Variants in USH2A observed in about 807,000 individuals in gnomAD.
USH2A encodes usherin.
A neutral mutation model predicts 538.9 loss-of-function variants in USH2A; 443 were observed. That is an observed-to-expected ratio of 0.82 (90% CI 0.76 to 0.89). The LOEUF (loss-of-function observed/expected upper bound fraction) is 0.89. USH2A is among the 40% of genes least tolerant of loss of function. The pLI is 0.00. For missense variants in USH2A, 6,633 were observed against 6,324.8 expected (o/e 1.05, Z -1.65); for synonymous variants, 2,413 against 2,273.5 (o/e 1.06, Z -1.75).
At chr1:215,773,524 C>CTCTCTCTCTCTCTCTCTCTCTGTCTT (rs1558091711) in intron 55 of USH2A, among the ~76,000 whole-genome samples, 43 of 148,902 alleles carry the variant, frequency 2.9e-4, no homozygotes, top group African/African-American at 7.6e-4. Context: ...CTCTCTCTCT[C>CTCTCTCTCTCTCTCTCTCTCTGTCTT]TCTCTCTCTG....
At chr1:216,292,448 C>T in intron 9 of USH2A, 78 bp from the exon 10 acceptor site, 1 of 1,459,830 alleles carries the variant, frequency 6.9e-7, no homozygotes, top group Non-Finnish European at 9.4e-7. Context: ...TTAGGCCTTT[C>T]ACCAGAAGTA....
intron 4 of USH2A, among the ~76,000 whole-genome samples, chr1:216,360,156 C>A (rs1240963286): frequency 6.6e-6 from 1 of 152,048 alleles, no homozygotes; most frequent in African/African-American, 2.4e-5. Flanking sequence ...TGGAAGCAAC[C>A]AAGATGTCCT....
At chr1:216,217,663 T>C (rs2035369324) in intron 14 of USH2A, 113 bp from the exon 15 acceptor site, 7 of 1,262,412 alleles carry the variant, frequency 5.5e-6, no homozygotes, top group Non-Finnish European at 7.9e-6. Context: ...TTTTAGCCAA[T>C]ATATTGAAAA....
chr1:215,851,624 G>T (rs1417330855), intron 44 of USH2A, among the ~76,000 whole-genome samples: 1 of 151,960 alleles, frequency 6.6e-6, no homozygotes, highest in Non-Finnish European at 1.5e-5. Context: ...AGAAGAATGG[G>T]TACCAATCAT....
intron 3 of USH2A, among the ~76,000 whole-genome samples, chr1:216,392,591 ATC>A (rs2039130213): frequency 1.3e-5 from 2 of 152,034 alleles, no homozygotes. Context: ...CTCTCAGGGA[ATC>A]TCTGTTACTT....
At chr1:215,766,335 C>T (rs970430183) in intron 56 of USH2A, among the ~76,000 whole-genome samples, 13 of 152,126 alleles carry the variant, frequency 8.5e-5, no homozygotes, top group African/African-American at 2.9e-4. Flanking sequence ...GATTGTCAGT[C>T]TTGAGGGCAG....
intron 30 of USH2A, among the ~76,000 whole-genome samples, chr1:216,049,603 C>T (rs530526697): frequency 5.3e-5 from 8 of 152,092 alleles, no homozygotes; most frequent in Non-Finnish European, 1.0e-4. Context: ...ATTGATGAAA[C>T]CTTCAATCGC....
intron 55 of USH2A, among the ~76,000 whole-genome samples, chr1:215,776,339 A>G (rs750811371): frequency 6.6e-6 from 1 of 152,214 alleles, no homozygotes; most frequent in African/African-American, 2.4e-5. Context: ...ACACCTCTAA[A>G]TAATTAACCG....
chr1:215,754,257 C>G (rs1391474366), intron 58 of USH2A, among the ~76,000 whole-genome samples: 3 of 152,114 alleles, frequency 2.0e-5, no homozygotes, highest in Non-Finnish European at 4.4e-5. Flanking sequence ...AACGTATGTA[C>G]ACGACATTTG....
chr1:216,377,823 GAAAGAA>G (rs2038855971), intron 3 of USH2A, among the ~76,000 whole-genome samples: 1 of 34,450 alleles, frequency 2.9e-5, no homozygotes, highest in Non-Finnish European at 6.8e-5. Flanking sequence ...AAGAAAGAAA[GAAAGAA>G]AGAAAGAAAG....
chr1:216,281,915 A>G (rs1258602683), intron 11 of USH2A, among the ~76,000 whole-genome samples: 1 of 136,798 alleles, frequency 7.3e-6, no homozygotes, highest in Non-Finnish European at 1.5e-5. Flanking sequence ...CTGGTTGGGA[A>G]GTGGGCTTGC....
intron 32 of USH2A, among the ~76,000 whole-genome samples, chr1:216,037,062 G>T (rs1453822517): frequency 2.0e-5 from 3 of 152,052 alleles, no homozygotes; most frequent in Non-Finnish European, 4.4e-5. Flanking sequence ...ACTGTTCTGG[G>T]AATTTAACCA....
In USH2A at chr1:215,879,767, AG is replaced by A. The variant is rs571864791; in HGVS notation, c.8224-670del. On this transcript the variant is annotated intron_variant, in intron 41 of 71. Transcript: ENST00000307340. ...ATCAGAAGAAAGAACAACATTTTGT[AG>A]TAGAATTCTAGAATGTCTGAAGTTT... 8.3e-4 allele frequency among the ~76,000 whole-genome samples: 126 copies of A among 152,354 alleles called. 1 individual carries two copies. The highest frequency in any genetic ancestry group is 2.6e-3 in the African/African-American group (108 of 41,588).
At chr1:215,756,228 G>A (rs528940617) in intron 58 of USH2A, among the ~76,000 whole-genome samples, 82 of 152,200 alleles carry the variant, frequency 5.4e-4, no homozygotes, top group Non-Finnish European at 2.8e-4. Context: ...CCTAGAGACC[G>A]TTTAAGTTCA....
intron 4 of USH2A, among the ~76,000 whole-genome samples, chr1:216,341,891 C>G (rs2102679690): frequency 6.6e-6 from 1 of 152,260 alleles, no homozygotes; most frequent in Non-Finnish European, 1.5e-5. Context: ...ATCATTAAAA[C>G]CCTAGAAGAA....
At chr1:216,260,531 T>C (rs935820447) in intron 11 of USH2A, among the ~76,000 whole-genome samples, 2 of 152,160 alleles carry the variant, frequency 1.3e-5, no homozygotes, top group Non-Finnish European at 2.9e-5. Flanking sequence ...GGGATTCTGC[T>C]AAACATCCTG....
Position 216,084,757 on chromosome 1 carries a change from T to C in USH2A, c.5108A>G (p.Tyr1703Cys), listed in dbSNP as rs1328811258. The C allele has an allele frequency of 6.2e-7, 1 of 1,613,590 alleles. No homozygotes were observed. Among genetic ancestry groups the C allele is most frequent in the South Asian group, 1.1e-5 (1 of 91,082 alleles). ...AGCGGGACATCCCTCCCAGCTGTTA[T>C]ACACGTTGATTTGTTCTTCAGAACT... is the stretch of plus-strand genomic sequence containing the variant. ...WQSSEEQINV[Y>C]NSWEGCPASL... The change falls in exon 25 of 72, where the codon TAT becomes TGT. Residue 1703 changes from tyrosine (Y) to cysteine (C), a missense_variant. Transcript: ENST00000307340.
At chr1:215,671,719 C>T (rs956525974) in intron 63 of USH2A, among the ~76,000 whole-genome samples, 4 of 152,170 alleles carry the variant, frequency 2.6e-5, no homozygotes, top group Non-Finnish European at 4.4e-5. Flanking sequence ...CTTAACATAG[C>T]AATGAAGAAT....
chr1:216,091,755 T>C (rs1184296105), intron 22 of USH2A, among the ~76,000 whole-genome samples: 1 of 152,222 alleles, frequency 6.6e-6, no homozygotes, highest in South Asian at 2.1e-4. Context: ...TTTATAAATA[T>C]GTGCTAGATA....
Sources: allele counts gnomAD v4.1 joint callset (sites outside exome capture counted in the v4.1 genomes callset), GRCh38; gene constraint gnomAD v4.1.1; transcripts MANE v1.5; gene names NCBI Gene and HGNC (gene_info 2026-07-23, HGNC 2026-07-21).